Variants in BCR observed in about 807,000 individuals in gnomAD.
The protein encoded by BCR is breakpoint cluster region protein.
BCR carries 58 observed loss-of-function variants against 138.6 expected under a neutral mutation model. That is an observed-to-expected ratio of 0.42 (90% CI 0.34 to 0.52). BCR has a LOEUF of 0.52. Ranked by LOEUF, BCR falls within the 20% of genes least tolerant of loss-of-function variation. The pLI is 0.06. For missense variants in BCR, 1,599 were observed against 1,727.2 expected, an observed-to-expected ratio of 0.93 and a Z score of 1.32; for synonymous variants, 786 against 730.1, an observed-to-expected ratio of 1.08 and a Z score of -1.23.
intron 1 of BCR, among the ~76,000 whole-genome samples, chr22:23,209,431 ATC>A (rs371068315): frequency 1.1e-3 from 164 of 152,240 alleles, no homozygotes; most frequent in African/African-American, 3.8e-3. Context: ...TTGTTTATCC[ATC>A]TCTCTGCCAG....
chr22:23,261,691 C>T, intron 4 of BCR, 151 bp downstream of exon 4: 2 of 758,192 alleles, frequency 2.6e-6, no homozygotes, highest in South Asian at 4.1e-5. Context: ...CTCAGCCTCC[C>T]AAAGTACTGA....
At chr22:23,268,340 G>T in intron 4 of BCR, 68 bp from the exon 5 acceptor site, 1 of 1,317,512 alleles carries the variant, frequency 7.6e-7, no homozygotes, top group South Asian at 1.3e-5. Context: ...GTGCACGGGA[G>T]CCTGCTCTTC....
At chr22:23,195,172 G>A (rs2072462945) in intron 1 of BCR, among the ~76,000 whole-genome samples, 1 of 151,652 alleles carries the variant, frequency 6.6e-6, no homozygotes. Flanking sequence ...TGTAATCCTA[G>A]CACTTTGGGA....
At chr22:23,311,886 C>T (rs1421562963) in intron 19 of BCR, 50 bp downstream of exon 19, 15 of 1,601,092 alleles carry the variant, frequency 9.4e-6, no homozygotes, top group South Asian at 3.3e-5. Context: ...CAATGGTGTC[C>T]GCGATGAGAT....
intron 4 of BCR, among the ~76,000 whole-genome samples, chr22:23,268,011 A>G (rs540150025): frequency 3.9e-5 from 6 of 152,100 alleles, no homozygotes; most frequent in Non-Finnish European, 8.8e-5. Flanking sequence ...AAAGGGGGTG[A>G]CCTCTGTGTC....
intron 1 of BCR, among the ~76,000 whole-genome samples, chr22:23,240,301 TCGTGTG>T (rs1480357930): frequency 9.1e-6 from 1 of 110,218 alleles, no homozygotes; most frequent in East Asian, 2.7e-4. Context: ...GCCTGGCTGA[TCGTGTG>T]TGTGTGTGTG....
intron 1 of BCR, among the ~76,000 whole-genome samples, chr22:23,212,995 G>A (rs954828497): frequency 6.6e-6 from 1 of 152,232 alleles, no homozygotes; most frequent in Non-Finnish European, 1.5e-5. Flanking sequence ...ACAAGGACTG[G>A]CAATCAGATG....
At chr22:23,288,016 G>A (rs1178620731) in intron 11 of BCR, 81 bp from the exon 12 acceptor site, 1 of 1,345,876 alleles carries the variant, frequency 7.4e-7, no homozygotes, top group African/African-American at 1.4e-5. Context: ...CGAGTTGTGT[G>A]CTCTAAGGTG....
chr22:23,214,631 G>A (rs889630032), intron 1 of BCR, among the ~76,000 whole-genome samples: 6 of 152,196 alleles, frequency 3.9e-5, no homozygotes, highest in East Asian at 3.9e-4. Context: ...TGTGGGGATC[G>A]GCTCCCTGTG....
At chr22:23,240,510 G>T (rs901470955) in intron 1 of BCR, among the ~76,000 whole-genome samples, 144 of 152,146 alleles carry the variant, frequency 9.5e-4, no homozygotes, top group African/African-American at 2.7e-3. Flanking sequence ...AATCAGCCGG[G>T]CGTGGTGGCG....
intron 1 of BCR, chr22:23,243,083 C>T (rs1602056427): frequency 3.8e-6 from 1 of 259,880 alleles, no homozygotes; most frequent in Non-Finnish European, 7.8e-6. Context: ...TGTGGTCTTC[C>T]TTCTGGTTTC....
At chr22:23,272,033 G>A (rs1352093604) in intron 6 of BCR, among the ~76,000 whole-genome samples, 1 of 152,086 alleles carries the variant, frequency 6.6e-6, no homozygotes, top group East Asian at 1.9e-4. Context: ...CCTCCGTATT[G>A]GTCAGGCTTG....
Position 23,312,915 on chromosome 22 carries a change from C to G in BCR, c.3351C>G (p.Ser1117Arg). 1 of 1,594,648 alleles carries G rather than the reference C, an allele frequency of 6.3e-7. No individual in the cohort carries two copies. The highest frequency in any genetic ancestry group is 1.1e-5 in the South Asian group (1 of 90,882). ...VNNKDVSVMM[S>R]EMDVNAIAGT... is the part of the protein sequence containing the mutation. ...ACAAGGACGTGTCGGTGATGATGAG[C>G]GAGATGGACGTGAACGCCATCGCAG... Residue 1117 changes from serine to arginine, a missense_variant, in exon 20 of 23, where the codon AGC becomes AGG. This residue lies in a region of BCR where 177 missense variants were observed against 226.4 expected (regional missense o/e 0.78). Transcript: ENST00000305877.
chr22:23,273,848 G>C, intron 8 of BCR, 74 bp downstream of exon 8: 1 of 1,587,606 alleles, frequency 6.3e-7, no homozygotes, highest in Non-Finnish European at 8.6e-7. Context: ...CTCGATCTGA[G>C]GTCTGGAGCC....
intron 1 of BCR, chr22:23,242,882 G>A (rs932412819): frequency 6.6e-6 from 3 of 455,686 alleles, no homozygotes; most frequent in African/African-American, 6.0e-5. Context: ...AGGCTCTAGG[G>A]GAGGATCCTT....
At chr22:23,218,516 C>T (rs2072783280) in intron 1 of BCR, among the ~76,000 whole-genome samples, 1 of 152,196 alleles carries the variant, frequency 6.6e-6, no homozygotes, top group Non-Finnish European at 1.5e-5. Flanking sequence ...GGGAAGCCAC[C>T]ACCTCAGTCC....
chr22:23,284,258 A>C (rs2073683755), intron 9 of BCR, among the ~76,000 whole-genome samples, 160 bp downstream of exon 9: 1 of 151,942 alleles, frequency 6.6e-6, no homozygotes, highest in Admixed American at 6.6e-5. Context: ...TGTCACTAGC[A>C]ATCTGGAGAC....
At chr22:23,246,039 C>A (rs544926592) in intron 1 of BCR, among the ~76,000 whole-genome samples, 1 of 152,164 alleles carries the variant, frequency 6.6e-6, no homozygotes, top group African/African-American at 2.4e-5. Context: ...TGGAGTCATA[C>A]AACATGTGGC....
At chr22:23,274,454 G>A (rs1286875277) in intron 8 of BCR, among the ~76,000 whole-genome samples, 4 of 152,230 alleles carry the variant, frequency 2.6e-5, no homozygotes, top group South Asian at 4.1e-4. Context: ...CAGCCAAGGC[G>A]TGTAAGCTGG....
Sources: allele counts gnomAD v4.1 joint callset (sites outside exome capture counted in the v4.1 genomes callset), GRCh38; gene constraint gnomAD v4.1.1; regional missense constraint gnomAD v4.1.1; transcripts MANE v1.5; gene names NCBI Gene and HGNC (gene_info 2026-07-23, HGNC 2026-07-21).